The following GSE1 variants were observed in gnomAD, a reference collection of about 807,000 sequenced individuals.
GSE1 encodes the protein genetic suppressor element 1.
A neutral mutation model predicts 112.6 loss-of-function variants in GSE1; 32 were observed. The ratio of observed to expected loss-of-function variants is 0.28; its 90% CI spans 0.21 to 0.38. GSE1 has a LOEUF of 0.38. Ranked by LOEUF, GSE1 falls within the 10% of genes least tolerant of loss-of-function variation. The pLI, the probability that GSE1 is intolerant of heterozygous loss-of-function variation, is 1.00. For missense variants in GSE1, 2,348 were observed against 1,699.2 expected, an observed-to-expected ratio of 1.38 and a Z score of -6.71; for synonymous variants, 1,115 against 735.6, an observed-to-expected ratio of 1.52 and a Z score of -8.35.
chr16:85,527,042 G>C (rs1489091548), intron 2 of GSE1, among the ~76,000 whole-genome samples: 1 of 152,226 alleles, frequency 6.6e-6, no homozygotes, highest in Non-Finnish European at 1.5e-5. Context: ...TTTGGGGAGG[G>C]GGTGGCCCTC....
rs959343659 is a variant in GSE1 at position 85,171,017 on chromosome 16, G to C, written c.1493G>C (p.Arg498Thr). The C allele has an allele frequency of 3.0e-6, 3 of 985,558 alleles. No homozygotes were observed. In the African/African-American group the frequency reaches 5.2e-5, roughly 17 times the overall value. The allele number at this position is 985,558 out of a possible 1,614,324, so 61.1% of individuals were successfully genotyped here. A position where few individuals can be genotyped will look rare whatever the true frequency, so the allele number is the denominator to read the frequency against. The change falls in exon 1 of 3, where the codon AGG becomes ACG. Residue 498 changes from arginine to threonine, a missense_variant. By Grantham distance (71) the Arg-to-Thr change is moderately conservative (BLOSUM62 -1). Transcript: ENST00000637419. ...CCGGATGCCCGGGCGGTCCCCTCCAGGATCCTCAACGGCAACGCCAGGAGC... is the reference window on the plus strand; with the variant it reads ...CCGGATGCCCGGGCGGTCCCCTCCACGATCCTCAACGGCAACGCCAGGAGC...
chr16:85,571,705 C>G (rs527930734), intron 1 of GSE1, among the ~76,000 whole-genome samples: 1 of 152,300 alleles, frequency 6.6e-6, no homozygotes, highest in South Asian at 2.1e-4. Flanking sequence ...GGGGGAGAAA[C>G]AGGTCAGAGA....
intron 2 of GSE1, among the ~76,000 whole-genome samples, chr16:85,418,346 C>T (rs528182809): frequency 5.3e-5 from 8 of 152,356 alleles, no homozygotes; most frequent in South Asian, 2.1e-4. Flanking sequence ...GCCCCAGGCA[C>T]GGCTCCCTCA....
At chr16:85,237,408 G>C (rs1395868184) in intron 1 of GSE1, among the ~76,000 whole-genome samples, 1 of 152,164 alleles carries the variant, frequency 6.6e-6, no homozygotes, top group Non-Finnish European at 1.5e-5. Flanking sequence ...GCTGAGCACG[G>C]TGCCCGCTGC....
rs9931322 is a variant in GSE1, at chr16:85,538,981, G to A, written c.2465-94933G>A. 3.6e-3 allele frequency among the ~76,000 whole-genome samples: 545 copies of A among 151,928 alleles called. 5 individuals are homozygous for A. Among genetic ancestry groups the A allele is most frequent in the Non-Finnish European group, 5.5e-3 (371 of 67,934 alleles). ...GGGTCTGCCACTGACTCTGCCATCC[G>A]GGCCACCATGGCATCCGCCCTGGGT... is the stretch of plus-strand genomic sequence containing the variant. On this transcript the variant is annotated intron_variant, in intron 2 of 2. Coordinates refer to the GSE1 transcript ENST00000637419.
intron 2 of GSE1, among the ~76,000 whole-genome samples, chr16:85,645,420 T>A (rs942621232): frequency 3.9e-5 from 6 of 152,106 alleles, no homozygotes; most frequent in Non-Finnish European, 8.8e-5. Flanking sequence ...TTGTGCAGGT[T>A]GCACACAAGC....
intron 1 of GSE1, among the ~76,000 whole-genome samples, chr16:85,587,362 C>T (rs1030470505): frequency 6.6e-6 from 1 of 152,214 alleles, no homozygotes; most frequent in African/African-American, 2.4e-5. Flanking sequence ...ATTTCTTATC[C>T]CAAGGTAAAA....
intron 2 of GSE1, among the ~76,000 whole-genome samples, chr16:85,480,815 G>T (rs138602623): frequency 6.6e-6 from 1 of 152,184 alleles, no homozygotes; most frequent in Non-Finnish European, 1.5e-5. Context: ...CCCAGCGCCT[G>T]CTCCCTGAAG....
intron 1 of GSE1, among the ~76,000 whole-genome samples, chr16:85,587,174 C>CA (rs2046741492): frequency 6.7e-6 from 1 of 150,170 alleles, no homozygotes; most frequent in Admixed American, 6.6e-5. Context: ...CGAAACCCCC[C>CA]CCCCCCCAGA....
intron 1 of GSE1, among the ~76,000 whole-genome samples, chr16:85,556,756 C>T (rs952118317): frequency 6.9e-6 from 1 of 144,292 alleles, no homozygotes; most frequent in South Asian, 2.3e-4. Flanking sequence ...CATGCCCCCC[C>T]CCCCCCCAGT....
At chr16:85,401,498 G>A (rs1054299525) in intron 2 of GSE1, among the ~76,000 whole-genome samples, 6 of 152,140 alleles carry the variant, frequency 3.9e-5, no homozygotes, top group African/African-American at 9.7e-5. Context: ...GGCACCTCCC[G>A]CAAAGTCAGG....
intron 2 of GSE1, among the ~76,000 whole-genome samples, chr16:85,445,847 G>A (rs1176550153): frequency 6.6e-6 from 1 of 152,176 alleles, no homozygotes; most frequent in Admixed American, 6.5e-5. Flanking sequence ...AGCTCGCTGG[G>A]GTCAGGCTGA....
At chr16:85,284,052 A>G (rs2044938229) in intron 1 of GSE1, among the ~76,000 whole-genome samples, 1 of 152,094 alleles carries the variant, frequency 6.6e-6, no homozygotes, top group African/African-American at 2.4e-5. Flanking sequence ...AGTCCCTCCC[A>G]GCAATTAAAT....
At chr16:85,607,658 C>A (rs2047769548), upstream of GSE1, among the ~76,000 whole-genome samples, 1 of 152,202 alleles carries the variant, frequency 6.6e-6, no homozygotes, top group African/African-American at 2.4e-5. Context: ...TGGGGTGGGG[C>A]TCCCCCAGCA....
intron 1 of GSE1, among the ~76,000 whole-genome samples, chr16:85,210,703 G>A (rs1309988337): frequency 1.3e-5 from 2 of 152,220 alleles, no homozygotes; most frequent in African/African-American, 4.8e-5. Context: ...GAGGCTGGGA[G>A]GAATTTGGGA....
intron 1 of GSE1, among the ~76,000 whole-genome samples, chr16:85,604,382 A>G (rs372573352): frequency 6.6e-6 from 1 of 152,178 alleles, no homozygotes; most frequent in African/African-American, 2.4e-5. Context: ...CTGTATGGAT[A>G]AACCATGTTT....
At position 85,667,421 on chromosome 16, in the gene GSE1, G is replaced by C. The variant is rs2052958487; in HGVS notation, c.3131-719G>C. 2.0e-5 allele frequency among the ~76,000 whole-genome samples: 3 copies of C among 152,240 alleles called. 1 individual carries two copies. The highest frequency in any genetic ancestry group is 2.0e-4 in the Admixed American group (3 of 15,290). On this transcript the variant is annotated intron_variant, in intron 13 of 15. Coordinates refer to ENST00000253458, the MANE Select transcript of GSE1 (RefSeq NM_014615.5). ...ACCCACCAGGCCACGCCATGAGACA[G>C]GGCATGCCCTCTTGAAACGGGGCAC...
chr16:85,313,540 C>T (rs1365464042), intron 1 of GSE1, among the ~76,000 whole-genome samples: 1 of 152,172 alleles, frequency 6.6e-6, no homozygotes, highest in Admixed American at 6.5e-5. Flanking sequence ...CCCCTGATCC[C>T]CTTCCTGCCC....
At chr16:85,170,268 C>G (rs1339904524) in exon 1 of GSE1, 2 of 985,584 alleles carry the variant, frequency 2.0e-6, no homozygotes, top group African/African-American at 3.5e-5. Context: ...ATGGGGAGCC[C>G]AAGTCCGGGG....
Sources: allele counts gnomAD v4.1 joint callset (sites outside exome capture counted in the v4.1 genomes callset), GRCh38; gene constraint gnomAD v4.1.1; transcripts MANE v1.5; gene names NCBI Gene and HGNC (gene_info 2026-07-23, HGNC 2026-07-21).